The following NELL1 variants were observed in gnomAD, a reference collection of about 807,000 sequenced individuals.
NELL1 encodes the protein neural EGFL like 1, also known as protein kinase C-binding protein NELL1.
In NELL1, 76 loss-of-function variants were observed where a neutral mutation model predicts 107.4. That is an observed-to-expected ratio of 0.71 (90% CI 0.59 to 0.86). The LOEUF is 0.86. Ranked by LOEUF, NELL1 falls within the 40% of genes least tolerant of loss-of-function variation. NELL1 has a pLI of 0.00. For synonymous variants in NELL1, 353 were observed against 341.2 expected, an observed-to-expected ratio of 1.03 and a Z score of -0.38; for missense variants, 1,024 against 1,005.5, an observed-to-expected ratio of 1.02 and a Z score of -0.25.
chr11:20,850,299 T>C (rs977586797), intron 4 of NELL1, among the ~76,000 whole-genome samples: 16 of 152,204 alleles, frequency 1.1e-4, no homozygotes, highest in Non-Finnish European at 1.5e-4. Flanking sequence ...TACTACTTTG[T>C]GATTCTTATT....
chr11:21,312,421 T>C (rs1849769316), intron 14 of NELL1, among the ~76,000 whole-genome samples: 1 of 152,132 alleles, frequency 6.6e-6, no homozygotes, highest in Non-Finnish European at 1.5e-5. Flanking sequence ...CACATTGCTT[T>C]CCAAATTAAC....
intron 2 of NELL1, among the ~76,000 whole-genome samples, chr11:20,681,726 G>A (rs1242747271): frequency 6.6e-6 from 1 of 152,044 alleles, no homozygotes; most frequent in Non-Finnish European, 1.5e-5. Flanking sequence ...GTTCAAAAAA[G>A]AGATTTATGG....
chr11:20,785,808 A>G (rs1856942348), intron 3 of NELL1, among the ~76,000 whole-genome samples: 1 of 152,174 alleles, frequency 6.6e-6, no homozygotes, highest in African/African-American at 2.4e-5. Flanking sequence ...GTGAGTGGCC[A>G]TCCCTTGACA....
chr11:20,849,147 A>C (rs1267958393), intron 4 of NELL1, among the ~76,000 whole-genome samples: 1 of 152,166 alleles, frequency 6.6e-6, no homozygotes, highest in African/African-American at 2.4e-5. Flanking sequence ...CCTACCACCC[A>C]CATGCTGTCT....
chr11:20,915,724 T>TTTTTTTTC (rs1850240561), intron 5 of NELL1, among the ~76,000 whole-genome samples: 1 of 130,204 alleles, frequency 7.7e-6, no homozygotes, highest in South Asian at 2.5e-4. Flanking sequence ...TATATTTTTT[T>TTTTTTTTC]TTTTTTTTTT....
At chr11:21,171,316 A>C (rs1447551974) in intron 13 of NELL1, among the ~76,000 whole-genome samples, 1 of 151,878 alleles carries the variant, frequency 6.6e-6, no homozygotes, top group Non-Finnish European at 1.5e-5. Context: ...ACACATACAC[A>C]CACAAAGAAG....
chr11:21,477,572 T>C (rs2133894758), intron 15 of NELL1, among the ~76,000 whole-genome samples: 1 of 152,144 alleles, frequency 6.6e-6, no homozygotes, highest in African/African-American at 2.4e-5. Flanking sequence ...TGGAAAGCCT[T>C]CTCAGGAAGG....
At chr11:20,844,176 T>C (rs958496943) in intron 3 of NELL1, among the ~76,000 whole-genome samples, 1 of 152,064 alleles carries the variant, frequency 6.6e-6, no homozygotes, top group East Asian at 1.9e-4. Flanking sequence ...AGTGGAAAAT[T>C]GATTCATTTG....
intron 14 of NELL1, among the ~76,000 whole-genome samples, chr11:21,287,157 G>A (rs1849140826): frequency 6.6e-6 from 1 of 152,156 alleles, no homozygotes; most frequent in South Asian, 2.1e-4. Context: ...AAATAGAAAA[G>A]CAAATCATAT....
intron 14 of NELL1, among the ~76,000 whole-genome samples, chr11:21,286,637 A>G (rs533051077): frequency 6.6e-6 from 1 of 152,336 alleles, no homozygotes; most frequent in African/African-American, 2.4e-5. Flanking sequence ...GGTTTATGAT[A>G]CACTTCAGTT....
chr11:21,245,640 T>A (rs1378522269), intron 14 of NELL1, among the ~76,000 whole-genome samples: 2 of 152,180 alleles, frequency 1.3e-5, no homozygotes, highest in African/African-American at 4.8e-5. Flanking sequence ...CTCACTGGCG[T>A]AGGCAGGCGG....
intron 13 of NELL1, among the ~76,000 whole-genome samples, chr11:21,158,989 T>C (rs2133796887): frequency 6.6e-6 from 1 of 152,316 alleles, no homozygotes. Context: ...CTATTTAATA[T>C]AGCATGCATA....
intron 14 of NELL1, among the ~76,000 whole-genome samples, chr11:21,253,564 A>C (rs1030618987): frequency 8.5e-5 from 13 of 152,156 alleles, no homozygotes; most frequent in Non-Finnish European, 1.5e-4. Context: ...CTGAATATGG[A>C]ATATATTCTT....
At chr11:21,554,875 C>A (rs1263443027) in intron 16 of NELL1, among the ~76,000 whole-genome samples, 1 of 151,850 alleles carries the variant, frequency 6.6e-6, no homozygotes, top group Non-Finnish European at 1.5e-5. Flanking sequence ...CACTGAAAGT[C>A]AGCTATCTCA....
chr11:20,829,794 T>A (rs917103589), intron 3 of NELL1, among the ~76,000 whole-genome samples: 11 of 152,154 alleles, frequency 7.2e-5, no homozygotes, highest in Non-Finnish European at 8.8e-5. Flanking sequence ...TATTATTATT[T>A]TTTTTTGGCA....
chr11:21,190,621 C>T (rs1791845), intron 13 of NELL1, among the ~76,000 whole-genome samples: 98,020 of 151,588 alleles, frequency 0.65, 33,162 homozygotes, highest in Non-Finnish European at 0.74. Flanking sequence ...TCTTAAGTGT[C>T]GCTGCAGGCA....
intron 16 of NELL1, among the ~76,000 whole-genome samples, chr11:21,548,486 TGAGA>T (rs1472246130): frequency 1.3e-5 from 2 of 151,442 alleles, no homozygotes; most frequent in African/African-American, 2.4e-5. Context: ...TCTCAATAGG[TGAGA>T]GAGAGAATGA....
intron 12 of NELL1, among the ~76,000 whole-genome samples, chr11:21,053,767 T>C (rs918242992): frequency 6.6e-6 from 1 of 152,158 alleles, no homozygotes; most frequent in Non-Finnish European, 1.5e-5. Flanking sequence ...CCCTAAAACA[T>C]AATTGTTTGG....
intron 3 of NELL1, among the ~76,000 whole-genome samples, chr11:20,842,792 A>T (rs139132019): frequency 2.9e-3 from 449 of 152,326 alleles, no homozygotes; most frequent in Middle Eastern, 6.8e-3. Context: ...GCCCATAGTC[A>T]CTACTATAGA....
Sources: allele counts gnomAD v4.1 joint callset (sites outside exome capture counted in the v4.1 genomes callset), GRCh38; gene constraint gnomAD v4.1.1; transcripts MANE v1.5; gene names NCBI Gene and HGNC (gene_info 2026-07-23, HGNC 2026-07-21).